TREML2: variants seen among roughly 807,000 people sequenced by gnomAD.
TREML2 encodes triggering receptor expressed on myeloid cells like 2, also known as trem-like transcript 2 protein.
TREML2 carries 24 observed loss-of-function variants against 25.9 expected under a neutral mutation model. That is an observed-to-expected ratio of 0.93 (90% CI 0.67 to 1.30). The LOEUF (loss-of-function observed/expected upper bound fraction) is 1.30. Among genes scored for constraint, TREML2 ranks in the 50% most tolerant of loss-of-function variants. TREML2 has a pLI of 0.00. For synonymous variants in TREML2, 139 were observed against 155.2 expected, an observed-to-expected ratio of 0.90 and a Z score of 0.77; for missense variants, 359 against 395.6, an observed-to-expected ratio of 0.91 and a Z score of 0.78.
At chr6:41,196,908 A>G (rs1046047041) in intron 2 of TREML2, among the ~76,000 whole-genome samples, 13 of 152,240 alleles carry the variant, frequency 8.5e-5, no homozygotes, top group Admixed American at 1.3e-4. Flanking sequence ...TAAACTTAAC[A>G]TGACAAAAGA....
At chr6:41,197,801 A>C (rs1395576096) in intron 2 of TREML2, among the ~76,000 whole-genome samples, 2 of 152,162 alleles carry the variant, frequency 1.3e-5, no homozygotes, top group Non-Finnish European at 2.9e-5. Flanking sequence ...GGGCTCAATG[A>C]ATTATGTTGA....
chr6:41,198,222 A>G lies in TREML2; in HGVS notation c.263T>C (p.Val88Ala), dbSNP rs1766206580. The G allele has an allele frequency of 6.2e-7, 1 of 1,614,196 alleles. No individual in the cohort carries two copies. Among genetic ancestry groups the G allele is most frequent in the African/African-American group, 1.3e-5 (1 of 75,050 alleles). The change falls in exon 2 of 5, where the codon GTC becomes GCC. Residue 88 changes from valine (V) to alanine (A), a missense_variant. Transcript: ENST00000483722. ...LLQDDAQAKV[V>A]NITMVALKLQ... ...CTTGAGGGCCACCATGGTGATGTTG[A>G]CCACCTTGGCCTGGGCATCGTCCTG... is the stretch of plus-strand genomic sequence containing the variant.
rs1490352635 is a variant in TREML2 at position 41,192,423 on chromosome 6, G to A, written c.*4C>T. 1.2e-6 allele frequency: 2 copies of A among 1,613,240 alleles called. No individual in the cohort carries two copies. The highest frequency in any genetic ancestry group is 2.2e-5 in the South Asian group (2 of 90,972). On this transcript the variant is annotated 3_prime_UTR_variant, in exon 5 of 5. Transcript: ENST00000483722. ...GAAGCTCCCCACCCCATGCTTAAGT[G>A]GCCTCAGATCAAGTAGACTTCCACA...
chr6:41,196,546 T>A (rs1390008871), intron 2 of TREML2, among the ~76,000 whole-genome samples: 3 of 152,246 alleles, frequency 2.0e-5, no homozygotes, highest in East Asian at 3.8e-4. Flanking sequence ...TTAAGAACTT[T>A]ATTGAGATAT....
At position 41,190,204 on chromosome 6, in the gene TREML2, T is replaced by C. The variant is rs1164361418; in HGVS notation, c.*2223A>G. The C allele has an allele frequency of 6.6e-6, 1 of 152,042 alleles. No individual in the cohort carries two copies. Among genetic ancestry groups the C allele is most frequent in the African/African-American group, 2.4e-5 (1 of 41,382 alleles). 9.4% of individuals were successfully genotyped at this position (152,042 alleles called of 1,614,324 possible). On this transcript the variant is annotated 3_prime_UTR_variant, in exon 5 of 5. Transcript: ENST00000483722. The stretch of plus-strand genomic sequence containing the variant: ...ACTGCCTGCCTGACTGGTTTCTTCC[T>C]TTCTCCTCTCTCACTCCTTCTCCAG...
intron 4 of TREML2, 129 bp downstream of exon 4, chr6:41,192,672 G>A: frequency 1.8e-6 from 2 of 1,135,074 alleles, no homozygotes; most frequent in South Asian, 1.4e-5. Context: ...CTCCCCAGGT[G>A]GAAGCGTCAT....
chr6:41,196,919 G>A (rs576938319), intron 2 of TREML2, among the ~76,000 whole-genome samples: 4 of 152,306 alleles, frequency 2.6e-5, no homozygotes, highest in African/African-American at 9.6e-5. Flanking sequence ...TGACAAAAGA[G>A]AGCTCTTGAT....
intron 2 of TREML2, among the ~76,000 whole-genome samples, chr6:41,197,459 C>A (rs73733376): frequency 6.6e-6 from 1 of 152,096 alleles, no homozygotes; most frequent in Non-Finnish European, 1.5e-5. Context: ...TCAGCTCTTG[C>A]GACAAAGTGC....
At chr6:41,197,721 T>C (rs535341286) in intron 2 of TREML2, among the ~76,000 whole-genome samples, 3 of 152,210 alleles carry the variant, frequency 2.0e-5, no homozygotes, top group Non-Finnish European at 2.9e-5. Context: ...TCATCTCCCA[T>C]AGTGCAGGAT....
chr6:41,190,907 T>C lies in TREML2; in HGVS notation c.*1520A>G. 1 of 151,984 alleles carries C rather than the reference T, an allele frequency of 6.6e-6. No individual in the cohort carries two copies. Among genetic ancestry groups the C allele is most frequent in the Non-Finnish European group, 1.5e-5 (1 of 68,118 alleles). The allele number at this position is 151,984 out of a possible 1,614,324, so 9.4% of individuals were successfully genotyped here. A position where few individuals can be genotyped will look rare whatever the true frequency, so the allele number is the denominator to read the frequency against. ...TCTGTCTGTCCTGGGTCCAGAGCCG[T>C]CAATTCTTCAGCCTCAGTCTTCCCT... is the stretch of plus-strand genomic sequence containing the variant. On this transcript the variant is annotated 3_prime_UTR_variant, in exon 5 of 5. Transcript: ENST00000483722.
chr6:41,191,343 G>A lies in TREML2; in HGVS notation c.*1084C>T, dbSNP rs543856896. On this transcript the variant is annotated 3_prime_UTR_variant, in exon 5 of 5. Transcript: ENST00000483722. ...TGGGAGGCAGATTCCTCGGGACATT[G>A]GGTCCCTGGCCAGAGGCTACTTGGG... The A allele has an allele frequency of 6.6e-6, 1 of 152,290 alleles. No individual in the cohort carries two copies. The highest frequency in any genetic ancestry group is 1.9e-4 in the East Asian group (1 of 5,200). The allele number at this position is 152,290 out of a possible 1,614,324, so 9.4% of individuals were successfully genotyped here.
intron 3 of TREML2, among the ~76,000 whole-genome samples, chr6:41,193,867 C>T (rs1203774134): frequency 7.4e-6 from 1 of 134,372 alleles, no homozygotes; most frequent in Admixed American, 7.4e-5. Flanking sequence ...CTCCCACTGA[C>T]CTTCTTCTCT....
In TREML2 at chr6:41,191,261, G is replaced by T; in HGVS notation, c.*1166C>A. ...CTGCATTCTCCAGCCTTCATTGCTG[G>T]ACGCCAAGCCAGTGCTCTGGACAAT... On this transcript the variant is annotated 3_prime_UTR_variant, in exon 5 of 5. Coordinates refer to ENST00000483722, the MANE Select transcript of TREML2 (RefSeq NM_024807.4). 1 of 152,006 alleles carries T rather than the reference G, an allele frequency of 6.6e-6. No homozygotes were observed. Among genetic ancestry groups the T allele is most frequent in the Non-Finnish European group, 1.4e-5 (1 of 69,506 alleles). 9.4% of individuals were successfully genotyped at this position (152,006 alleles called of 1,614,324 possible).
intron 4 of TREML2, 25 bp from the exon 5 acceptor site, chr6:41,192,531 G>A (rs777481656): frequency 9.3e-6 from 15 of 1,609,046 alleles, no homozygotes; most frequent in Non-Finnish European, 1.3e-5. Context: ...GAGAGCTGAG[G>A]AAGTGTCCTG....
In TREML2 at chr6:41,189,925, T is replaced by G. The variant is rs1488452251; in HGVS notation, c.*2502A>C. Among the ~76,000 whole-genome samples, 1 of 152,186 alleles carries G rather than the reference T, an allele frequency of 6.6e-6. No homozygotes were observed. The highest frequency in any genetic ancestry group is 2.4e-5 in the African/African-American group (1 of 41,434). ...ATTTCTGGTAGCTCCCTGCTGTCCT[T>G]CTAATGTACATGTGGGCCCTTGGCT... On this transcript the variant is annotated 3_prime_UTR_variant, in exon 5 of 5. Coordinates refer to ENST00000483722, the MANE Select transcript of TREML2 (RefSeq NM_024807.4).
chr6:41,198,034 T>A (rs573201319), intron 2 of TREML2, 75 bp downstream of exon 2: 1 of 1,376,038 alleles, frequency 7.3e-7, no homozygotes, highest in African/African-American at 1.5e-5. Context: ...TTATCCTTAT[T>A]ATCTCTGATG....
At chr6:41,199,146 G>T (rs1481268664) in intron 1 of TREML2, among the ~76,000 whole-genome samples, 1 of 152,224 alleles carries the variant, frequency 6.6e-6, no homozygotes, top group African/African-American at 2.4e-5. Context: ...GCAGGCGTGA[G>T]CCACTGTGCC....
At chr6:41,196,117 C>A (rs749425813) in intron 2 of TREML2, among the ~76,000 whole-genome samples, 2 of 152,148 alleles carry the variant, frequency 1.3e-5, no homozygotes, top group South Asian at 2.1e-4. Flanking sequence ...GAAATCTTCA[C>A]AAATTGTCCT....
intron 4 of TREML2, 45 bp downstream of exon 4, chr6:41,192,756 C>T (rs767438766): frequency 1.9e-6 from 3 of 1,549,548 alleles, no homozygotes; most frequent in Non-Finnish European, 2.7e-6. Context: ...AGTGCAGTTA[C>T]CCAGAGCTCT....
Sources: gnomAD v4.1 joint callset for allele counts (sites outside exome capture counted in the v4.1 genomes callset) on GRCh38, gnomAD v4.1.1 for gene constraint, MANE v1.5 for transcripts, NCBI Gene and HGNC (gene_info 2026-07-23, HGNC 2026-07-21) for gene names.